UCP1: variants seen among roughly 807,000 people sequenced by gnomAD.
UCP1 encodes mitochondrial brown fat uncoupling protein 1.
In UCP1, 24 loss-of-function variants were observed where a neutral mutation model predicts 26.2. The observed-to-expected ratio is 0.92, with a 90% CI of 0.66 to 1.29. UCP1 has a LOEUF of 1.29. UCP1 is among the 50% of genes most tolerant of loss of function. The pLI is 0.00. For missense variants in UCP1, 402 were observed against 388.7 expected (o/e 1.03, Z -0.29); for synonymous variants, 164 against 156.8 (o/e 1.05, Z -0.34).
intron 2 of UCP1, among the ~76,000 whole-genome samples, chr4:140,565,726 G>A (rs1735781762): frequency 6.6e-6 from 1 of 151,996 alleles, no homozygotes; most frequent in Admixed American, 6.5e-5. Context: ...TTTGCCTGGA[G>A]TACTCCTGCT....
At chr4:140,563,694 G>A (rs1428271816) in intron 2 of UCP1, among the ~76,000 whole-genome samples, 176 bp from the exon 3 acceptor site, 10 of 149,938 alleles carry the variant, frequency 6.7e-5, no homozygotes, top group Non-Finnish European at 1.0e-4. Context: ...TGCAATCTCC[G>A]CCTCCCGGGT....
chr4:140,559,769 A>C lies in UCP1; in HGVS notation c.*127T>G, dbSNP rs1418818417. 6 of 880,592 alleles carry C rather than the reference A, an allele frequency of 6.8e-6. No homozygotes were observed. The highest frequency in any genetic ancestry group is 5.0e-5 in the Admixed American group (2 of 39,786). 54.5% of individuals were successfully genotyped at this position (880,592 alleles called of 1,614,324 possible). A position where few individuals can be genotyped will look rare whatever the true frequency, so the allele number is the denominator to read the frequency against. ...AATTTTCCTCTTTTTTATATAAAAAAGTCCAAAATTCTCTGCCAAAATTCC... is the reference window on the plus strand; with the variant it reads ...AATTTTCCTCTTTTTTATATAAAAACGTCCAAAATTCTCTGCCAAAATTCC... On this transcript the variant is annotated 3_prime_UTR_variant, in exon 6 of 6. Coordinates refer to ENST00000262999, the MANE Select transcript of UCP1 (RefSeq NM_021833.5).
rs1735714232 is a variant in UCP1 at position 140,563,099 on chromosome 4, TG to T, written c.628+10del. ...GTGCAGACCTGTTTGTTATATGAAATGGGAAGTTACCTGCTAATATGTTGTT... is the reference window on the plus strand; with the variant it reads ...GTGCAGACCTGTTTGTTATATGAAATGGAAGTTACCTGCTAATATGTTGTT... On this transcript the variant is annotated intron_variant, in intron 4 of 5. Transcript: ENST00000262999. The T allele has an allele frequency of 6.2e-7, 1 of 1,606,928 alleles. No homozygotes were observed. Among genetic ancestry groups the T allele is most frequent in the African/African-American group, 1.3e-5 (1 of 74,752 alleles).
rs994277190 is a variant in UCP1 at position 140,562,398 on chromosome 4, C to T, written c.629-25G>A. The T allele has an allele frequency of 3.7e-6, 6 of 1,610,946 alleles. No individual in the cohort carries two copies. The African/African-American group carries it at 8.0e-5, about 22-fold the overall frequency. ...TCTAAAATGGATCGATGAAACAGGT[C>T]AACATCAGACTTTTGGGGGCTTGCA... is the stretch of plus-strand genomic sequence containing the variant. On this transcript the variant is annotated intron_variant, in intron 4 of 5. Transcript: ENST00000262999.
At chr4:140,561,795 C>T (rs759652057) in intron 5 of UCP1, among the ~76,000 whole-genome samples, 3 of 152,164 alleles carry the variant, frequency 2.0e-5, no homozygotes, top group Non-Finnish European at 2.9e-5. Context: ...GATGTCTTAT[C>T]TCTAGTTTTA....
Position 140,563,540 on chromosome 4 carries a change from TATTAAGAAAAAA to T in UCP1, c.326-34_326-23del. The T allele has an allele frequency of 1.9e-6, 3 of 1,605,956 alleles. No homozygotes were observed. In the Admixed American group the frequency reaches 5.1e-5, roughly 27 times the overall value. On this transcript the variant is annotated intron_variant, in intron 2 of 5. Coordinates refer to ENST00000262999, the MANE Select transcript of UCP1 (RefSeq NM_021833.5). ...GCTGCTATCCAGAGAGAAAAAAAAT[TATTAAGAAAAAA>T]AATTAAAGACCTAGAATGCATGCAT... is the stretch of plus-strand genomic sequence containing the variant.
Position 140,568,615 on chromosome 4 carries a change from C to T in UCP1, c.115G>A (p.Val39Ile). 1 of 1,613,720 alleles carries T rather than the reference C, an allele frequency of 6.2e-7. No homozygotes were observed. Among genetic ancestry groups the T allele is most frequent in the Non-Finnish European group, 8.5e-7 (1 of 1,179,954 alleles). ...CTCTGCCTAGCTACCTGGAGCCGGA[C>T]TTTGGCCGTGTCCAGCGGGAAGGTG... ...VITFPLDTAK[V>I]RLQVQGECPT... Residue 39 changes from valine to isoleucine, a missense_variant, in exon 1 of 6, where the codon GTC becomes ATC. By Grantham distance (29) the Val-to-Ile change is conservative. Transcript: ENST00000262999.
At position 140,568,589 on chromosome 4, in the gene UCP1, C is replaced by T. The variant is rs1735856651; in HGVS notation, c.126+15G>A. 2 of 1,613,728 alleles carry T rather than the reference C, an allele frequency of 1.2e-6. No individual in the cohort carries two copies. The highest frequency in any genetic ancestry group is 1.7e-6 in the Non-Finnish European group (2 of 1,179,940). On this transcript the variant is annotated intron_variant, in intron 1 of 5. Transcript: ENST00000262999. ...CTGTCCTGAGACCCCTTGTCTTACC[C>T]CTCTGCCTAGCTACCTGGAGCCGGA...
Position 140,559,831 on chromosome 4 carries a change from G to T in UCP1, c.*65C>A. ...AGGTTAAAATAAGTGAATAAGTTTT[G>T]TTTGTTTTTATGATCCAGTCAGCAA... On this transcript the variant is annotated 3_prime_UTR_variant, in exon 6 of 6. Transcript: ENST00000262999. 7.2e-7 allele frequency: 1 copy of T among 1,380,816 alleles called. No individual in the cohort carries two copies. The highest frequency in any genetic ancestry group is 1.0e-6 in the Non-Finnish European group (1 of 973,090). The allele number at this position is 1,380,816 out of a possible 1,614,324, so 85.5% of individuals were successfully genotyped here.
chr4:140,563,657 G>C, intron 2 of UCP1, 139 bp from the exon 3 acceptor site: 1 of 790,020 alleles, frequency 1.3e-6, no homozygotes, highest in Non-Finnish European at 2.0e-6. Flanking sequence ...ATCTAGGCTA[G>C]AGTGCAGTGG....
Position 140,559,806 on chromosome 4 carries a change from A to G in UCP1, c.*90T>C, listed in dbSNP as rs1365350777. On this transcript the variant is annotated 3_prime_UTR_variant, in exon 6 of 6. Coordinates refer to ENST00000262999, the MANE Select transcript of UCP1 (RefSeq NM_021833.5). Reference sequence around the variant, plus strand: ...TCTGCCAAAATTCCTTTATCTTTTTAGGTTAAAATAAGTGAATAAGTTTTG... The same window carrying G: ...TCTGCCAAAATTCCTTTATCTTTTTGGGTTAAAATAAGTGAATAAGTTTTG... 1 of 1,216,050 alleles carries G rather than the reference A, an allele frequency of 8.2e-7. No individual in the cohort carries two copies. Among genetic ancestry groups the G allele is most frequent in the Non-Finnish European group, 1.2e-6 (1 of 844,800 alleles). 75.3% of individuals were successfully genotyped at this position (1,216,050 alleles called of 1,614,324 possible).
At chr4:140,560,426 T>A (rs972074051) in intron 5 of UCP1, among the ~76,000 whole-genome samples, 1 of 152,194 alleles carries the variant, frequency 6.6e-6, no homozygotes, top group Non-Finnish European at 1.5e-5. Flanking sequence ...AAACATGTCT[T>A]TTCTTCACTG....
intron 4 of UCP1, among the ~76,000 whole-genome samples, chr4:140,562,670 A>G (rs1324350208): frequency 6.6e-6 from 1 of 152,156 alleles, no homozygotes; most frequent in Admixed American, 6.5e-5. Context: ...GGGAAATTTC[A>G]ATGTCTCTAG....
At chr4:140,564,407 G>A (rs1024991385) in intron 2 of UCP1, among the ~76,000 whole-genome samples, 7 of 152,202 alleles carry the variant, frequency 4.6e-5, no homozygotes, top group East Asian at 1.9e-4. Flanking sequence ...TAGTCTTGAA[G>A]CCCAATATTC....
At chr4:140,568,149 G>GTGTGTA (rs1291275313) in intron 1 of UCP1, among the ~76,000 whole-genome samples, 172 bp from the exon 2 acceptor site, 1 of 136,508 alleles carries the variant, frequency 7.3e-6, no homozygotes, top group African/African-American at 3.0e-5. Context: ...GTGTGTGTGT[G>GTGTGTA]TGTGTGTTCG....
In UCP1 at chr4:140,568,611, C is replaced by G. The variant is rs752671873; in HGVS notation, c.119G>C (p.Arg40Pro). 2 of 1,613,754 alleles carry G rather than the reference C, an allele frequency of 1.2e-6. No homozygotes were observed. ...ACCCCTCTGCCTAGCTACCTGGAGC[C>G]GGACTTTGGCCGTGTCCAGCGGGAA... ...ITFPLDTAKV[R>P]LQVQGECPTS... The change falls in exon 1 of 6, where the codon CGG (arginine) becomes CCG (proline). Residue 40 changes from arginine to proline, a missense_variant. Transcript: ENST00000262999.
chr4:140,568,770 GC>G lies in UCP1; in HGVS notation c.-42del. 6.4e-7 allele frequency: 1 copy of G among 1,552,548 alleles called. No homozygotes were observed. The highest frequency in any genetic ancestry group is 8.7e-7 in the Non-Finnish European group (1 of 1,153,522). On this transcript the variant is annotated 5_prime_UTR_variant, in exon 1 of 6. Transcript: ENST00000262999. ...GGAGATGCAGAGGAAAAGGGCTCCA[GC>G]CCCGAAGGTGGAGGAAGTTCCTTTC...
At chr4:140,563,267 G>GT in intron 3 of UCP1, 51 bp downstream of exon 3, 1 of 1,612,038 alleles carries the variant, frequency 6.2e-7, no homozygotes, top group Non-Finnish European at 8.5e-7. Context: ...TAAGTTGCTA[G>GT]TTGTATGTAT....
intron 2 of UCP1, among the ~76,000 whole-genome samples, chr4:140,564,586 G>T (rs1381096083): frequency 6.6e-6 from 1 of 152,144 alleles, no homozygotes; most frequent in Admixed American, 6.5e-5. Flanking sequence ...ACACTGTCTA[G>T]CATAAAGAAA....
Sources: allele counts gnomAD v4.1 joint callset (sites outside exome capture counted in the v4.1 genomes callset), GRCh38; gene constraint gnomAD v4.1.1; transcripts MANE v1.5; gene names NCBI Gene and HGNC (gene_info 2026-07-23, HGNC 2026-07-21).